Variants in ZNF554 observed in about 807,000 individuals in gnomAD.
ZNF554 encodes zinc finger protein 554.
In ZNF554, 15 loss-of-function variants were observed where a neutral mutation model predicts 21.2. That is an observed-to-expected ratio of 0.71 (90% confidence interval 0.47 to 1.09). ZNF554 has a LOEUF of 1.09. ZNF554 is among the 50% of genes least tolerant of loss of function. ZNF554 has a pLI of 0.00. For synonymous variants in ZNF554, 258 were observed against 251.4 expected (o/e 1.03, Z -0.25); for missense variants, 691 against 662.7 (o/e 1.04, Z -0.47).
In ZNF554 at chr19:2,834,931, A is replaced by G; in HGVS notation, c.*79A>G. 7.6e-7 allele frequency: 1 copy of G among 1,323,588 alleles called. No individual in the cohort carries two copies. Among genetic ancestry groups the G allele is most frequent in the Non-Finnish European group, 1.0e-6 (1 of 970,084 alleles). The allele number at this position is 1,323,588 out of a possible 1,614,324, so 82.0% of individuals were successfully genotyped here. ...GTTATCTTTTGCCCTGTTGTGATGG[A>G]TAATTTGAAAAGAAGTGGGTTTATG... On this transcript the variant is annotated 3_prime_UTR_variant, in exon 5 of 5. Coordinates refer to ENST00000317243, the MANE Select transcript of ZNF554 (RefSeq NM_001102651.2).
In ZNF554 at chr19:2,821,292, GGCCA is replaced by G. The variant is rs1278785227; in HGVS notation, c.53+1174_53+1177del. 1.3e-5 allele frequency among the ~76,000 whole-genome samples: 2 copies of G among 151,442 alleles called. No homozygotes were observed. The highest frequency in any genetic ancestry group is 3.9e-4 in the East Asian group (2 of 5,156). On this transcript the variant is annotated intron_variant, in intron 1 of 4. Coordinates refer to ENST00000317243, the MANE Select transcript of ZNF554 (RefSeq NM_001102651.2). This position sits in a 1 kb window ranked among gnomAD's most constrained non-coding sequence, Gnocchi z 8.2. ...AGTAGATACAGAGTTTCTCCATGTT[GGCCA>G]GCCAGGCTGGTATCGAACTCCTGAC...
Position 2,835,002 on chromosome 19 carries a change from TTGTATTTTGTTG to T in ZNF554, c.*152_*163del. 1 of 733,860 alleles carries T rather than the reference TTGTATTTTGTTG, an allele frequency of 1.4e-6. No individual in the cohort carries two copies. The highest frequency in any genetic ancestry group is 2.2e-6 in the Non-Finnish European group (1 of 463,692). 45.5% of individuals were successfully genotyped at this position (733,860 alleles called of 1,614,324 possible). ...AAGAAAGCTCTGAGAATGGGCATTTTTGTATTTTGTTGTTGTTGTTGAGATGGAGTCTGCCAC... is the reference window on the plus strand; with the variant it reads ...AAGAAAGCTCTGAGAATGGGCATTTTTTGTTGTTGAGATGGAGTCTGCCAC... On this transcript the variant is annotated 3_prime_UTR_variant, in exon 5 of 5. Transcript: ENST00000317243.
intron 3 of ZNF554, among the ~76,000 whole-genome samples, chr19:2,829,935 C>CT (rs780122910): frequency 7.6e-4 from 116 of 151,806 alleles, no homozygotes; most frequent in Non-Finnish European, 1.5e-3. Flanking sequence ...CTTTTCTTTT[C>CT]TTTTTTTGAG....
chr19:2,821,636 CCTT>C lies in ZNF554; in HGVS notation c.54-1399_54-1397del, dbSNP rs2144800826. ...AAGCTCTGCCTGCATCATCATGTGG[CCTT>C]CTTCCCTGTGTCTCTTTCTCCTTTT... On this transcript the variant is annotated intron_variant, in intron 1 of 4. Coordinates refer to ENST00000317243, the MANE Select transcript of ZNF554 (RefSeq NM_001102651.2). The surrounding 1 kb of genome is among the most constrained non-coding windows in gnomAD (Gnocchi z 8.2). Among the ~76,000 whole-genome samples, 1 of 151,814 alleles carries C rather than the reference CCTT, an allele frequency of 6.6e-6. No individual in the cohort carries two copies. The highest frequency in any genetic ancestry group is 2.4e-5 in the African/African-American group (1 of 41,152).
At position 2,834,529 on chromosome 19, in the gene ZNF554, G is replaced by A. The variant is rs201262236; in HGVS notation, c.1294G>A (p.Gly432Arg). ...GATCTTGCACAAGAGGACACACACC[G>A]GAGAGAAGCCCTACGAATGCAGTGA... ...YLILHKRTHT[G>R]EKPYECSECG... Residue 432 changes from glycine to arginine, a missense_variant, in exon 5 of 5, where the codon GGA (glycine) becomes AGA (arginine). Coordinates refer to ENST00000317243, the MANE Select transcript of ZNF554 (RefSeq NM_001102651.2). 299 of 1,613,942 alleles carry A rather than the reference G, an allele frequency of 1.9e-4. No homozygotes were observed. The highest frequency in any genetic ancestry group is 1.2e-3 in the Middle Eastern group (7 of 6,084).
chr19:2,824,173 C>T (rs1318958325), intron 2 of ZNF554, among the ~76,000 whole-genome samples: 1 of 152,152 alleles, frequency 6.6e-6, no homozygotes, highest in Admixed American at 6.5e-5. Context: ...AGGACAGCCA[C>T]GGCTGCACCC....
intron 3 of ZNF554, among the ~76,000 whole-genome samples, chr19:2,829,436 G>C (rs143304212): frequency 1.1e-3 from 171 of 152,038 alleles, no homozygotes; most frequent in African/African-American, 3.9e-3. Flanking sequence ...GATCACCTGA[G>C]AGACCAGCTT....
At position 2,836,719 on chromosome 19, in the gene ZNF554, G is replaced by A. The variant is rs990904741; in HGVS notation, c.*1867G>A. Among the ~76,000 whole-genome samples, 2 of 152,152 alleles carry A rather than the reference G, an allele frequency of 1.3e-5. No homozygotes were observed. Among genetic ancestry groups the A allele is most frequent in the African/African-American group, 2.4e-5 (1 of 41,426 alleles). On this transcript the variant is annotated 3_prime_UTR_variant, in exon 5 of 5. Transcript: ENST00000317243. ...TAGCACCCAAAATTGTGAAGGATACGGAACCTCATTGATGAGTCAGGATAG... is the reference window on the plus strand; with the variant it reads ...TAGCACCCAAAATTGTGAAGGATACAGAACCTCATTGATGAGTCAGGATAG...
At position 2,836,216 on chromosome 19, in the gene ZNF554, T is replaced by G. The variant is rs55660536; in HGVS notation, c.*1364T>G. ...TTACGGGTGTGAGCCACCGTGCTGG[T>G]ATTACGGGTGTGAGCCACCGTGCTG... On this transcript the variant is annotated 3_prime_UTR_variant, in exon 5 of 5. Transcript: ENST00000317243. Among the ~76,000 whole-genome samples, 26 of 135,594 alleles carry G rather than the reference T, an allele frequency of 1.9e-4. No individual in the cohort carries two copies. The highest frequency in any genetic ancestry group is 5.5e-4 in the African/African-American group (21 of 38,002). 89.0% of individuals were successfully genotyped at this position (135,594 alleles called of 152,430 possible).
chr19:2,832,222 G>A, intron 3 of ZNF554, 81 bp from the exon 4 acceptor site: 13 of 1,406,574 alleles, frequency 9.2e-6, no homozygotes, highest in Non-Finnish European at 1.2e-5. Flanking sequence ...CACCATGCCT[G>A]GCACAGATCT....
chr19:2,828,891 A>G (rs2087373834), intron 3 of ZNF554, among the ~76,000 whole-genome samples: 2 of 152,256 alleles, frequency 1.3e-5, no homozygotes, highest in South Asian at 4.1e-4. Context: ...AACTGCCCCC[A>G]TGATCTCATC....
Position 2,834,543 on chromosome 19 carries a change from C to A in ZNF554, c.1308C>A (p.Tyr436Ter). ...GGACACACACCGGAGAGAAGCCCTACGAATGCAGTGAATGTGGAAAGGCCT... is the reference window on the plus strand; with the variant it reads ...GGACACACACCGGAGAGAAGCCCTAAGAATGCAGTGAATGTGGAAAGGCCT... ...HKRTHTGEKP[Y>*]ECSECGKAFS... is the part of the protein sequence containing the mutation. The change falls in exon 5 of 5, where the codon TAC (tyrosine) becomes TAA (stop). Residue 436 changes from tyrosine to a stop codon, truncating the protein, a stop_gained. Transcript: ENST00000317243. LOFTEE classifies it low-confidence loss of function (END_TRUNC). 2 of 1,614,094 alleles carry A rather than the reference C, an allele frequency of 1.2e-6. No individual in the cohort carries two copies. The highest frequency in any genetic ancestry group is 8.5e-7 in the Non-Finnish European group (1 of 1,180,020).
chr19:2,832,417 C>A lies in ZNF554; in HGVS notation c.368C>A (p.Pro123Gln). 6.2e-7 allele frequency: 1 copy of A among 1,614,132 alleles called. No individual in the cohort carries two copies. ...TGGACGGGGTATTTACTTTTTCAAC[C>A]AGTGGCTTCTTCCCACTTGGAGCAA... ...SSWTGYLLFQ[P>Q]VASSHLEQRE... is the part of the protein sequence containing the mutation. The change falls in exon 4 of 5, where the codon CCA (proline) becomes CAA (glutamine). Residue 123 changes from proline (P) to glutamine (Q), a missense_variant. By Grantham distance (76) the Pro-to-Gln change is moderately conservative. Transcript: ENST00000317243.
rs1357896369 is a variant in ZNF554 at position 2,833,840 on chromosome 19, A to T, written c.605A>T (p.Gln202Leu). The change falls in exon 5 of 5, where the codon CAA becomes CTA. Residue 202 changes from glutamine (Q) to leucine (L), a missense_variant. Physicochemically the swap from Gln to Leu is moderately radical, Grantham distance 113. Transcript: ENST00000317243. The stretch of plus-strand genomic sequence containing the variant: ...GAAGACCCCCAGGGGCTTTTGAGCC[A>T]AAAGGCATCCCTTCACGTAGTGGCC... The part of the protein sequence containing the change: ...SHEDPQGLLS[Q>L]KASLHVVAVP... 1 of 1,612,470 alleles carries T rather than the reference A, an allele frequency of 6.2e-7. No individual in the cohort carries two copies. Among genetic ancestry groups the T allele is most frequent in the Non-Finnish European group, 8.5e-7 (1 of 1,179,172 alleles).
intron 1 of ZNF554, among the ~76,000 whole-genome samples, chr19:2,822,316 G>T (rs2087275132): frequency 1.3e-5 from 2 of 152,140 alleles, no homozygotes; most frequent in African/African-American, 2.4e-5. Context: ...CTCCCAAAGT[G>T]CTGGGATTAC....
chr19:2,827,370 G>T (rs1432759058), intron 2 of ZNF554, among the ~76,000 whole-genome samples: 1 of 152,186 alleles, frequency 6.6e-6, no homozygotes, highest in Admixed American at 6.5e-5. Context: ...AATAAGAAAT[G>T]GGCAAAATGT....
Position 2,834,412 on chromosome 19 carries a change from T to C in ZNF554, c.1177T>C (p.Ser393Pro). 6.2e-7 allele frequency: 1 copy of C among 1,613,806 alleles called. No homozygotes were observed. The highest frequency in any genetic ancestry group is 8.5e-7 in the Non-Finnish European group (1 of 1,179,960). The change falls in exon 5 of 5, where the codon TCA (serine) becomes CCA (proline). Residue 393 changes from serine to proline, a missense_variant. Transcript: ENST00000317243. The part of the protein sequence containing the change: ...GECGKAFNRI[S>P]SLTQHQRIHT... ...GTGCGGGAAAGCCTTCAACAGGATC[T>C]CATCGCTGACTCAGCATCAGAGGAT...
rs376866677 is a variant in ZNF554, at chr19:2,834,045, G to A, written c.810G>A (p.Arg270=). The A allele has an allele frequency of 1.4e-5, 22 of 1,614,154 alleles. No homozygotes were observed. The African/African-American group carries it at 2.8e-4, about 21-fold the overall frequency. Residue 270 remains arginine, a synonymous_variant, in exon 5 of 5, where the codon CGG becomes CGA. Transcript: ENST00000317243. ...ACCATCAGCTGGGATATGCAGATCG[G>A]AGACCTTGTGAAAGTAATGAATGTG... ...LNHHQLGYAD[R]RPCESNECGN...
intron 2 of ZNF554, among the ~76,000 whole-genome samples, chr19:2,825,840 C>T (rs2087324833): frequency 6.6e-6 from 1 of 152,096 alleles, no homozygotes; most frequent in Non-Finnish European, 1.5e-5. Context: ...GGATTGAAAG[C>T]TCAGGGTGCC....
Sources: gnomAD v4.1 joint callset for allele counts (sites outside exome capture counted in the v4.1 genomes callset) on GRCh38, gnomAD v4.1.1 for gene constraint, Gnocchi (gnomAD v3.1) non-coding constraint, MANE v1.5 for transcripts, NCBI Gene and HGNC (gene_info 2026-07-23, HGNC 2026-07-21) for gene names.